The following NCKAP5 variants were observed in gnomAD, a reference collection of about 807,000 sequenced individuals.
The protein encoded by NCKAP5 is nck-associated protein 5.
NCKAP5 carries 92 observed loss-of-function variants against 167.0 expected under a neutral mutation model. The observed-to-expected ratio is 0.55, with a 90% confidence interval of 0.47 to 0.66. The LOEUF (loss-of-function observed/expected upper bound fraction) is 0.66, where lower values mean the gene tolerates loss of function less well. NCKAP5 is among the 30% of genes least tolerant of loss of function. The pLI is 0.00. For missense variants in NCKAP5, 2,378 were observed against 2,315.0 expected, an observed-to-expected ratio of 1.03 and a Z score of -0.56; for synonymous variants, 891 against 877.4, an observed-to-expected ratio of 1.02 and a Z score of -0.27.
At chr2:133,097,704 TCA>T (rs1359238770) in intron 6 of NCKAP5, among the ~76,000 whole-genome samples, 2 of 152,142 alleles carry the variant, frequency 1.3e-5, no homozygotes, top group East Asian at 3.9e-4. Flanking sequence ...AACACCTGAT[TCA>T]CAGTGTGGCC....
the NCKAP5 span, among the ~76,000 whole-genome samples, chr2:133,630,955 G>C: frequency 6.6e-6 from 1 of 152,148 alleles, no homozygotes; most frequent in Non-Finnish European, 1.5e-5. Context: ...AATGGACAAT[G>C]TATATGTGAA....
At chr2:132,855,841 T>A (rs1007660555) in intron 11 of NCKAP5, among the ~76,000 whole-genome samples, 2 of 152,188 alleles carry the variant, frequency 1.3e-5, no homozygotes, top group Non-Finnish European at 2.9e-5. Flanking sequence ...CAAAGGCAGA[T>A]GTTTTGAAAA....
chr2:133,495,745 T>C (rs1681887706), intron 3 of NCKAP5, among the ~76,000 whole-genome samples: 1 of 152,202 alleles, frequency 6.6e-6, no homozygotes, highest in South Asian at 2.1e-4. Flanking sequence ...ACCTGCTAAC[T>C]CATCTGGGTA....
intron 8 of NCKAP5, among the ~76,000 whole-genome samples, chr2:132,892,078 A>G (rs941361525): frequency 5.3e-5 from 8 of 152,168 alleles, no homozygotes; most frequent in African/African-American, 1.9e-4. Flanking sequence ...TGGTGGTGTC[A>G]GCCAGGCCAG....
At chr2:133,527,766 T>C (rs1380209101) in intron 2 of NCKAP5, among the ~76,000 whole-genome samples, 5 of 152,042 alleles carry the variant, frequency 3.3e-5, no homozygotes, top group African/African-American at 1.2e-4. Flanking sequence ...CTAAACTCCC[T>C]CAAAAAGGTA....
intron 6 of NCKAP5, among the ~76,000 whole-genome samples, chr2:133,060,189 A>G (rs920637228): frequency 6.6e-6 from 1 of 152,208 alleles, no homozygotes; most frequent in Non-Finnish European, 1.5e-5. Context: ...AGACACATTT[A>G]ATAGCATATT....
At chr2:133,252,943 G>A (rs2088425318) in intron 4 of NCKAP5, among the ~76,000 whole-genome samples, 1 of 152,148 alleles carries the variant, frequency 6.6e-6, no homozygotes, top group Admixed American at 6.6e-5. Flanking sequence ...AGCCTCAGGG[G>A]GTCTGCAGAT....
chr2:133,523,842 C>G (rs1444244696), intron 2 of NCKAP5, among the ~76,000 whole-genome samples: 1 of 152,138 alleles, frequency 6.6e-6, no homozygotes, highest in Non-Finnish European at 1.5e-5. Context: ...ATAACAAACA[C>G]AGTAAGTTTC....
At chr2:133,416,364 T>G (rs982014835) in intron 3 of NCKAP5, among the ~76,000 whole-genome samples, 3 of 152,232 alleles carry the variant, frequency 2.0e-5, no homozygotes, top group African/African-American at 7.2e-5. Context: ...ATTTGTTTTT[T>G]AGAAATCATT....
the NCKAP5 span, among the ~76,000 whole-genome samples, chr2:133,673,298 T>A: frequency 6.6e-6 from 1 of 152,224 alleles, no homozygotes; most frequent in Non-Finnish European, 1.5e-5. Context: ...GGTACACCTC[T>A]GATGCTGTTA....
At chr2:133,293,024 A>G (rs1197844919) in intron 4 of NCKAP5, among the ~76,000 whole-genome samples, 1 of 152,120 alleles carries the variant, frequency 6.6e-6, no homozygotes, top group African/African-American at 2.4e-5. Flanking sequence ...CTCCTAATCA[A>G]GCCTTGGTTC....
At chr2:132,873,620 C>G (rs1489237161) in intron 9 of NCKAP5, among the ~76,000 whole-genome samples, 2 of 152,166 alleles carry the variant, frequency 1.3e-5, no homozygotes, top group African/African-American at 4.8e-5. Flanking sequence ...CAGCCCCATA[C>G]AACATTGGAA....
chr2:133,307,532 T>C (rs954435478), intron 3 of NCKAP5, among the ~76,000 whole-genome samples: 3 of 152,178 alleles, frequency 2.0e-5, no homozygotes, highest in Non-Finnish European at 2.9e-5. Flanking sequence ...GGGGACTTGT[T>C]TGAATGCTTA....
chr2:133,171,131 T>C (rs575134295), intron 5 of NCKAP5, among the ~76,000 whole-genome samples: 23 of 152,264 alleles, frequency 1.5e-4, no homozygotes, highest in African/African-American at 5.3e-4. Flanking sequence ...AAAGGGAGCA[T>C]TTTGAGGCAG....
At chr2:133,584,948 AGG>A in the NCKAP5 span, among the ~76,000 whole-genome samples, 1 of 116,528 alleles carries the variant, frequency 8.6e-6, no homozygotes, top group Non-Finnish European at 1.7e-5. Context: ...GAAAGAAGGA[AGG>A]AAGGAAGGAA....
At chr2:133,639,679 TAGG>T in the NCKAP5 span, among the ~76,000 whole-genome samples, 1 of 152,196 alleles carries the variant, frequency 6.6e-6, no homozygotes, top group Middle Eastern at 3.4e-3. Context: ...AACCCTTTTG[TAGG>T]AGACCAGCCC....
chr2:133,306,909 G>A (rs543499528), intron 3 of NCKAP5, among the ~76,000 whole-genome samples: 32 of 152,260 alleles, frequency 2.1e-4, no homozygotes, highest in African/African-American at 7.2e-4. Flanking sequence ...ATTAGTGTAC[G>A]TATCATTCAG....
At chr2:133,302,798 A>AT (rs1486012890) in intron 4 of NCKAP5, among the ~76,000 whole-genome samples, 116 of 151,338 alleles carry the variant, frequency 7.7e-4, no homozygotes, top group African/African-American at 2.7e-3. Flanking sequence ...ATAAAAATAA[A>AT]AAAAATAAAT....
chr2:133,380,457 C>T (rs2150946401), intron 3 of NCKAP5, among the ~76,000 whole-genome samples: 1 of 152,128 alleles, frequency 6.6e-6, no homozygotes, highest in South Asian at 2.1e-4. Flanking sequence ...AACCAAAGAC[C>T]TCAATCAACC....
Sources: allele counts gnomAD v4.1 joint callset (sites outside exome capture counted in the v4.1 genomes callset), GRCh38; gene constraint gnomAD v4.1.1; transcripts MANE v1.5; gene names NCBI Gene and HGNC (gene_info 2026-07-23, HGNC 2026-07-21).